Variants in KLHL4 observed in about 807,000 individuals in gnomAD.
The protein encoded by KLHL4 is kelch-like protein 4.
KLHL4 carries 17 observed loss-of-function variants against 45.8 expected under a neutral mutation model. The observed-to-expected ratio is 0.37, with a 90% CI of 0.25 to 0.56. KLHL4 has a LOEUF of 0.56. Ranked by LOEUF, KLHL4 falls within the 20% of genes least tolerant of loss-of-function variation. The pLI is 0.79. For synonymous variants in KLHL4, 224 were observed against 189.9 expected (o/e 1.18, Z -1.47); for missense variants, 544 against 544.9 (o/e 1.00, Z 0.02).
At chrX:87,611,965 A>C (rs1922392480) in intron 1 of KLHL4, among the ~76,000 whole-genome samples, 2 of 112,063 alleles carry the variant, frequency 1.8e-5, no homozygotes, top group African/African-American at 6.5e-5. Context: ...AATTAAAAAT[A>C]GAAAAAAGCT....
intron 9 of KLHL4, among the ~76,000 whole-genome samples, chrX:87,652,621 A>G (rs1331921275): frequency 8.9e-6 from 1 of 111,832 alleles, no homozygotes; most frequent in East Asian, 2.8e-4. Flanking sequence ...TCCATCTGAG[A>G]CCACCTCAGC....
At chrX:87,538,763 A>T (rs1354323775) in intron 1 of KLHL4, among the ~76,000 whole-genome samples, 2 of 110,975 alleles carry the variant, frequency 1.8e-5, no homozygotes, top group African/African-American at 6.5e-5. Flanking sequence ...TTCATTTTCA[A>T]TCCTTCACCT....
chrX:87,558,857 A>G (rs1270892112), intron 1 of KLHL4, among the ~76,000 whole-genome samples: 1 of 112,094 alleles, frequency 8.9e-6, no homozygotes, highest in East Asian at 2.8e-4. Flanking sequence ...TTGAGAATCC[A>G]TTTGATACAT....
intron 1 of KLHL4, among the ~76,000 whole-genome samples, chrX:87,545,755 T>G (rs1335774689): frequency 9.0e-6 from 1 of 111,452 alleles, no homozygotes; most frequent in Non-Finnish European, 1.9e-5. Context: ...TGTGGGAAAG[T>G]TTGGAACTTC....
rs767386206 is a variant in KLHL4 at position 87,633,806 on chromosome X, A to G, written c.1607A>G (p.Tyr536Cys). Residue 536 changes from tyrosine to cysteine, a missense_variant, in exon 8 of 11, where the codon TAT (tyrosine) becomes TGT (cysteine). Physicochemically the swap from Tyr to Cys is radical, Grantham distance 194. Coordinates refer to ENST00000373119, the MANE Select transcript of KLHL4 (RefSeq NM_019117.5). ...YAVGGHDGWS[Y>C]LNTVERWDPE... Reference sequence around the variant, plus strand: ...GTAGGTGGTCATGATGGATGGAGCTATCTAAATACTGTAGAAAGATGGGAC... The same window carrying G: ...GTAGGTGGTCATGATGGATGGAGCTGTCTAAATACTGTAGAAAGATGGGAC... The G allele has an allele frequency of 5.0e-6, 6 of 1,208,195 alleles. No homozygotes were observed. The highest frequency in any genetic ancestry group is 3.5e-5 in the South Asian group (2 of 56,755).
chrX:87,562,026 G>A (rs961507500), intron 1 of KLHL4, among the ~76,000 whole-genome samples: 1 of 109,491 alleles, frequency 9.1e-6, no homozygotes, highest in Non-Finnish European at 1.9e-5. Flanking sequence ...ATAGGACTTG[G>A]ATGAGACCTA....
chrX:87,525,999 C>T (rs1323315708), intron 1 of KLHL4, among the ~76,000 whole-genome samples: 1 of 111,461 alleles, frequency 9.0e-6, no homozygotes, highest in East Asian at 2.8e-4. Context: ...ATTTTCTCGG[C>T]ACTTATGTAA....
chrX:87,668,862 G>A lies in KLHL4; in HGVS notation c.*2328G>A, dbSNP rs1924469509. 1 of 609,559 alleles carries A rather than the reference G, an allele frequency of 1.6e-6. No homozygotes were observed. The highest frequency in any genetic ancestry group is 2.0e-6 in the Non-Finnish European group (1 of 508,937). The allele number at this position is 609,559 out of a possible 1,213,427, so 50.2% of individuals were successfully genotyped here. ...CTCAGACTTCTCAGCCTGCCTAACT[G>A]TAAGAAATTAATTCTTTTTCTTTAT... On this transcript the variant is annotated 3_prime_UTR_variant, in exon 11 of 11. Transcript: ENST00000373119.
chrX:87,664,211 A>G (rs1331569920), intron 9 of KLHL4, among the ~76,000 whole-genome samples: 1 of 111,879 alleles, frequency 8.9e-6, no homozygotes, highest in East Asian at 2.8e-4. Context: ...CCTTGACTCC[A>G]CTGAAGATAA....
chrX:87,549,375 A>G (rs1468629648), intron 1 of KLHL4, among the ~76,000 whole-genome samples: 1 of 111,444 alleles, frequency 9.0e-6, no homozygotes, highest in Non-Finnish European at 1.9e-5. Flanking sequence ...TCCAGACAGA[A>G]TGTCAACAAA....
intron 1 of KLHL4, among the ~76,000 whole-genome samples, chrX:87,572,900 G>A (rs1361250678): frequency 9.1e-6 from 1 of 110,088 alleles, no homozygotes; most frequent in Non-Finnish European, 1.9e-5. Context: ...AAGAAGAATT[G>A]GTTTGCTGAC....
chrX:87,642,643 C>CA (rs1475657101), intron 9 of KLHL4, among the ~76,000 whole-genome samples: 1 of 111,559 alleles, frequency 9.0e-6, no homozygotes, highest in East Asian at 2.8e-4. Flanking sequence ...CAAGGAAATC[C>CA]AAAAAATGAT....
At chrX:87,648,436 G>A (rs756668970) in intron 9 of KLHL4, among the ~76,000 whole-genome samples, 1 of 111,535 alleles carries the variant, frequency 9.0e-6, no homozygotes, top group Admixed American at 9.6e-5. Flanking sequence ...AGGCAACTCA[G>A]TTCAGTTGGA....
chrX:87,520,144 A>G (rs1467050191), intron 1 of KLHL4, among the ~76,000 whole-genome samples: 1 of 112,153 alleles, frequency 8.9e-6, no homozygotes, highest in Non-Finnish European at 1.9e-5. Flanking sequence ...GATCTTATTA[A>G]TTGAAATACG....
intron 1 of KLHL4, among the ~76,000 whole-genome samples, chrX:87,579,758 G>C (rs1210442308): frequency 9.0e-6 from 1 of 111,665 alleles, no homozygotes; most frequent in Admixed American, 9.5e-5. Context: ...ATGAAGGAGA[G>C]ATAAAGACAT....
chrX:87,605,997 T>A (rs1922182421), intron 1 of KLHL4, among the ~76,000 whole-genome samples: 1 of 111,335 alleles, frequency 9.0e-6, no homozygotes, highest in Admixed American at 9.6e-5. Context: ...GATCATATGG[T>A]CTTGTTTGTT....
chrX:87,577,799 T>A (rs1921145451), intron 1 of KLHL4, among the ~76,000 whole-genome samples: 1 of 111,594 alleles, frequency 9.0e-6, no homozygotes, highest in Admixed American at 9.6e-5. Flanking sequence ...GTTTTACAAC[T>A]GCCTTCCTGA....
chrX:87,611,659 CATACTATACTATACT>C (rs201194879), intron 1 of KLHL4, among the ~76,000 whole-genome samples: 1 of 101,540 alleles, frequency 9.8e-6, no homozygotes, highest in Non-Finnish European at 2.0e-5. Flanking sequence ...GGTTTAAGTA[CATACTATACTATACT>C]ATACTATACT....
At chrX:87,615,410 A>T (rs1922526041) in intron 3 of KLHL4, among the ~76,000 whole-genome samples, 1 of 111,378 alleles carries the variant, frequency 9.0e-6, no homozygotes, top group South Asian at 3.7e-4. Flanking sequence ...TCATTTAAAA[A>T]TATATCTGTA....
Sources: allele counts gnomAD v4.1 joint callset (sites outside exome capture counted in the v4.1 genomes callset), GRCh38; gene constraint gnomAD v4.1.1; transcripts MANE v1.5; gene names NCBI Gene and HGNC (gene_info 2026-07-23, HGNC 2026-07-21).